The following PRKCZ variants were observed in gnomAD, a reference collection of about 807,000 sequenced individuals.
PRKCZ encodes the protein protein kinase C zeta.
In PRKCZ, 33 loss-of-function variants were observed where a neutral mutation model predicts 79.5. That is an observed-to-expected ratio of 0.41 (90% CI 0.31 to 0.55). The LOEUF is 0.55. PRKCZ is among the 20% of genes least tolerant of loss of function. The pLI is 0.19. For synonymous variants in PRKCZ, 342 were observed against 320.9 expected (o/e 1.07, Z -0.70); for missense variants, 578 against 813.5 (o/e 0.71, Z 3.52).
chr1:2,108,280 G>A (rs1878752), intron 4 of PRKCZ, among the ~76,000 whole-genome samples: 125,156 of 152,252 alleles, frequency 0.82, 52,608 homozygotes, highest in East Asian at 0.93. Flanking sequence ...CCGCTCACCT[G>A]TTCTGTCCTG....
chr1:2,095,216 G>T (rs1666248943), intron 4 of PRKCZ, among the ~76,000 whole-genome samples: 1 of 152,166 alleles, frequency 6.6e-6, no homozygotes, highest in Admixed American at 6.5e-5. Flanking sequence ...ACCCTTCTAG[G>T]TCTGCGTTGG....
intron 4 of PRKCZ, chr1:2,098,482 G>A (rs1278197703): frequency 1.3e-5 from 2 of 152,218 alleles, no homozygotes; most frequent in African/African-American, 4.8e-5. Flanking sequence ...CTGTCCTGAA[G>A]TGGCCTGGAG....
intron 4 of PRKCZ, among the ~76,000 whole-genome samples, chr1:2,105,078 C>G (rs1479099911): frequency 6.6e-6 from 1 of 152,194 alleles, no homozygotes; most frequent in Admixed American, 6.5e-5. Context: ...ACGAGTAACC[C>G]CTTATCACAG....
At chr1:2,084,974 A>C in intron 4 of PRKCZ, among the ~76,000 whole-genome samples, 1 of 151,202 alleles carries the variant, frequency 6.6e-6, no homozygotes, top group South Asian at 2.1e-4. Flanking sequence ...GTGCCACTTC[A>C]CTCCAGCCTG....
chr1:2,156,424 A>G (rs1233417057), intron 10 of PRKCZ: 1 of 248,032 alleles, frequency 4.0e-6, no homozygotes, highest in East Asian at 9.0e-5. Context: ...TTCACCTTCA[A>G]GCTTTATATA....
chr1:2,054,792 A>G (rs1660005697), intron 1 of PRKCZ, among the ~76,000 whole-genome samples: 1 of 152,038 alleles, frequency 6.6e-6, no homozygotes, highest in Non-Finnish European at 1.5e-5. Context: ...GGGGTCACCC[A>G]CATTTGGGTG....
In PRKCZ at chr1:2,050,718, G is replaced by C. The variant is rs962507867; in HGVS notation, c.71+17G>C. On this transcript the variant is annotated intron_variant, in intron 1 of 17. Transcript: ENST00000378567. Reference sequence around the variant, plus strand: ...TTACGGGGGGTGAGCGGCGGAGAGGGCGGGGAGCGGCGCGGGTGAGGCAGG... The same window carrying C: ...TTACGGGGGGTGAGCGGCGGAGAGGCCGGGGAGCGGCGCGGGTGAGGCAGG... 33 of 1,207,968 alleles carry C rather than the reference G, an allele frequency of 2.7e-5. No homozygotes were observed. Among genetic ancestry groups the C allele is most frequent in the Non-Finnish European group, 3.3e-5 (32 of 967,246 alleles). The allele number at this position is 1,207,968 out of a possible 1,614,324, so 74.8% of individuals were successfully genotyped here.
Position 2,173,984 on chromosome 1 carries a change from C to T in PRKCZ, c.1373C>T (p.Pro458Leu), listed in dbSNP as rs1684960389. ...RSPFDIITDN[P>L]DMNTEDYLFQ... ...CCGTTCGACATCATCACCGACAACC[C>T]GGACATGAACACAGAGGACTACCTT... The change falls in exon 14 of 18, where the codon CCG becomes CTG. Residue 458 changes from proline to leucine, a missense_variant. Pro to Leu is a moderately conservative substitution (Grantham distance 98, BLOSUM62 -3). This residue lies in a region of PRKCZ where 243 missense variants were observed against 467.0 expected (regional missense o/e 0.52). Transcript: ENST00000378567. This position sits in a 1 kb window ranked among gnomAD's most constrained non-coding sequence, Gnocchi z 5.7. The T allele has an allele frequency of 1.2e-6, 2 of 1,612,626 alleles. No individual in the cohort carries two copies. Among genetic ancestry groups the T allele is most frequent in the East Asian group, 2.2e-5 (1 of 44,764 alleles).
chr1:2,132,796 T>A (rs757072069), intron 4 of PRKCZ, among the ~76,000 whole-genome samples: 1 of 152,238 alleles, frequency 6.6e-6, no homozygotes, highest in Non-Finnish European at 1.5e-5. Context: ...CCTTAGTCTC[T>A]GAGGGGCCTA....
Position 2,185,220 on chromosome 1 carries a change from G to T in PRKCZ, c.*211G>T. 1 of 707,812 alleles carries T rather than the reference G, an allele frequency of 1.4e-6. No homozygotes were observed. The highest frequency in any genetic ancestry group is 2.6e-6 in the Non-Finnish European group (1 of 383,044). 43.8% of individuals were successfully genotyped at this position (707,812 alleles called of 1,614,324 possible). A position where few individuals can be genotyped will look rare whatever the true frequency, so the allele number is the denominator to read the frequency against. On this transcript the variant is annotated 3_prime_UTR_variant, in exon 18 of 18. Coordinates refer to ENST00000378567, the MANE Select transcript of PRKCZ (RefSeq NM_002744.6). ...CGGGCAGGCCAGCTTCGTGCTGGAG[G>T]AACTTGCTGCTGTGCCTGCGTCGCG...
intron 10 of PRKCZ, among the ~76,000 whole-genome samples, chr1:2,160,918 T>G (rs996006159): frequency 6.6e-6 from 1 of 151,974 alleles, no homozygotes; most frequent in Non-Finnish European, 1.5e-5. Flanking sequence ...GGTCTGACCC[T>G]GGGGTGCTGC....
chr1:2,179,122 T>C (rs1686046075), intron 16 of PRKCZ, among the ~76,000 whole-genome samples: 1 of 152,236 alleles, frequency 6.6e-6, no homozygotes, highest in African/African-American at 2.4e-5. Context: ...CAGATCCACC[T>C]GCCTTGCCCC....
At chr1:2,050,397 C>T (rs56380654), upstream of PRKCZ, 128,881 of 175,684 alleles carry the variant, frequency 0.73, 47,486 homozygotes, top group Admixed American at 0.76. Context: ...GCTGGCTCCA[C>T]CTCGGTCCGC....
At chr1:2,090,624 A>G (rs1162268635) in intron 4 of PRKCZ, among the ~76,000 whole-genome samples, 1 of 152,180 alleles carries the variant, frequency 6.6e-6, no homozygotes, top group African/African-American at 2.4e-5. Flanking sequence ...CCCCGTGCAC[A>G]TGTAGGAATG....
chr1:2,135,206 G>T, intron 4 of PRKCZ, 56 bp from the exon 5 acceptor site: 1 of 1,495,220 alleles, frequency 6.7e-7, no homozygotes, highest in Non-Finnish European at 9.2e-7. Flanking sequence ...GCTGCACCCT[G>T]CGTGGGCTCG....
chr1:2,167,330 A>G (rs1045826488), intron 10 of PRKCZ, among the ~76,000 whole-genome samples: 5 of 152,148 alleles, frequency 3.3e-5, no homozygotes, highest in African/African-American at 4.8e-5. Flanking sequence ...GAGGCATTGT[A>G]TTGATGCTTT....
intron 1 of PRKCZ, among the ~76,000 whole-genome samples, chr1:2,054,881 C>G (rs1388660151): frequency 6.6e-6 from 1 of 151,914 alleles, no homozygotes; most frequent in African/African-American, 2.4e-5. Flanking sequence ...ATTTTGTCCT[C>G]ATTCTTTCCA....
intron 9 of PRKCZ, among the ~76,000 whole-genome samples, chr1:2,151,893 C>T (rs145905623): frequency 5.2e-4 from 79 of 152,172 alleles, no homozygotes; most frequent in African/African-American, 1.8e-3. Context: ...AGCATGATCA[C>T]GGTTCACCTC....
chr1:2,110,320 G>A (rs1272973157), intron 4 of PRKCZ, among the ~76,000 whole-genome samples: 1 of 152,238 alleles, frequency 6.6e-6, no homozygotes, highest in Admixed American at 6.5e-5. Flanking sequence ...CTCCAGCGGG[G>A]GCCCCGGGCG....
Sources: allele counts gnomAD v4.1 joint callset (sites outside exome capture counted in the v4.1 genomes callset), GRCh38; gene constraint gnomAD v4.1.1; regional missense constraint gnomAD v4.1.1; non-coding constraint Gnocchi (gnomAD v3.1); transcripts MANE v1.5; gene names NCBI Gene and HGNC (gene_info 2026-07-23, HGNC 2026-07-21).